Variants in CCSER1 observed in about 807,000 individuals in gnomAD.
CCSER1 encodes the protein serine-rich coiled-coil domain-containing protein 1.
Under a neutral mutation model 82.0 loss-of-function variants are expected in CCSER1, and 41 were observed. That is an observed-to-expected ratio of 0.50 (90% CI 0.39 to 0.65). CCSER1 has a LOEUF of 0.65. Ranked by LOEUF, CCSER1 falls within the 30% of genes least tolerant of loss-of-function variation. CCSER1 has a pLI of 0.00. For missense variants in CCSER1, 1,119 were observed against 1,064.2 expected (o/e 1.05, Z -0.72); for synonymous variants, 414 against 383.9 (o/e 1.08, Z -0.92).
chr4:91,161,430 T>C (rs928807854), intron 10 of CCSER1, among the ~76,000 whole-genome samples: 9 of 152,186 alleles, frequency 5.9e-5, no homozygotes, highest in Non-Finnish European at 1.2e-4. Flanking sequence ...TTTTTTCCAA[T>C]TCTGTGAGGA....
intron 1 of CCSER1, among the ~76,000 whole-genome samples, chr4:90,304,558 CA>C (rs1187721218): frequency 6.6e-6 from 1 of 151,960 alleles, no homozygotes; most frequent in Non-Finnish European, 1.5e-5. Flanking sequence ...ACAAAAAACC[CA>C]ACACTGCATA....
At chr4:91,082,651 A>G (rs1318761084) in intron 9 of CCSER1, among the ~76,000 whole-genome samples, 1 of 152,190 alleles carries the variant, frequency 6.6e-6, no homozygotes, top group African/African-American at 2.4e-5. Context: ...AAATTTTTAC[A>G]ATCTACCCAT....
intron 5 of CCSER1, among the ~76,000 whole-genome samples, chr4:90,557,991 A>G (rs1778327539): frequency 1.3e-5 from 2 of 152,188 alleles, no homozygotes; most frequent in African/African-American, 4.8e-5. Context: ...TCCATATTAC[A>G]ATGGTAATAT....
chr4:90,532,003 G>T (rs1774595664), intron 5 of CCSER1, among the ~76,000 whole-genome samples: 1 of 150,948 alleles, frequency 6.6e-6, no homozygotes, highest in Non-Finnish European at 1.5e-5. Context: ...GATTTTAAGA[G>T]TATATATATA....
rs1456570149 is a variant in CCSER1, at chr4:90,690,827, A to G, written c.1933-33087A>G. Among the ~76,000 whole-genome samples the G allele has an allele frequency of 2.0e-5, 3 of 152,048 alleles. No homozygotes were observed. In the East Asian group the frequency reaches 5.8e-4, roughly 29 times the overall value. ...GATTGAATTCCTGACTACCTGATAA[A>G]ATTACATCACATAGACCATGAACCC... On this transcript the variant is annotated intron_variant, in intron 6 of 10. Transcript: ENST00000509176.
chr4:91,116,748 C>G lies in CCSER1; in HGVS notation c.2217+30754C>G, dbSNP rs554046794. On this transcript the variant is annotated intron_variant, in intron 10 of 10. Coordinates refer to ENST00000509176, the MANE Select transcript of CCSER1 (RefSeq NM_001145065.2). ...TATCTAACAGGCTGCCTTGTTTGGT[C>G]TCCAAGTGATAAACAAAAAACAGGG... 7.2e-5 allele frequency among the ~76,000 whole-genome samples: 11 copies of G among 152,174 alleles called. No individual in the cohort carries two copies. The South Asian group carries it at 2.3e-3, about 32-fold the overall frequency.
chr4:90,843,920 A>G (rs1762874358), intron 8 of CCSER1, among the ~76,000 whole-genome samples: 1 of 152,114 alleles, frequency 6.6e-6, no homozygotes, highest in Non-Finnish European at 1.5e-5. Context: ...CTAGAAGCTT[A>G]AAGGTAACAA....
At chr4:91,383,955 T>A (rs1035404397) in intron 10 of CCSER1, among the ~76,000 whole-genome samples, 2 of 152,132 alleles carry the variant, frequency 1.3e-5, no homozygotes, top group Admixed American at 1.3e-4. Context: ...ATCCCAACAC[T>A]GCTGTTGGAA....
intron 10 of CCSER1, among the ~76,000 whole-genome samples, chr4:91,418,672 A>G (rs1178135829): frequency 6.6e-6 from 1 of 152,006 alleles, no homozygotes; most frequent in African/African-American, 2.4e-5. Flanking sequence ...AACCTTCTCA[A>G]ACTTTCCAAA....
chr4:90,298,910 TG>T (rs1732536649), intron 1 of CCSER1, among the ~76,000 whole-genome samples: 1 of 152,116 alleles, frequency 6.6e-6, no homozygotes, highest in South Asian at 2.1e-4. Flanking sequence ...TACTTAAGCC[TG>T]GGTCATATGC....
At chr4:90,132,812 A>G (rs1193742385) in intron 1 of CCSER1, among the ~76,000 whole-genome samples, 1 of 152,220 alleles carries the variant, frequency 6.6e-6, no homozygotes, top group Non-Finnish European at 1.5e-5. Context: ...ACTCTTTTCA[A>G]ATATTAATTA....
At chr4:91,382,999 A>AT (rs144468064) in intron 10 of CCSER1, among the ~76,000 whole-genome samples, 10,865 of 147,454 alleles carry the variant, frequency 0.074, 490 homozygotes, top group Middle Eastern at 0.13. Context: ...GATCATTATC[A>AT]TTTTTTTTTT....
At chr4:91,409,854 T>C (rs996521150) in intron 10 of CCSER1, among the ~76,000 whole-genome samples, 1 of 152,176 alleles carries the variant, frequency 6.6e-6, no homozygotes, top group African/African-American at 2.4e-5. Flanking sequence ...GGCTAATTTT[T>C]GTATTTTTAG....
chr4:90,212,783 A>T (rs56822678), intron 1 of CCSER1, among the ~76,000 whole-genome samples: 7,168 of 152,262 alleles, frequency 0.047, 409 homozygotes, highest in East Asian at 0.25. Flanking sequence ...GATGTTCACA[A>T]AAGGTCTTTC....
chr4:91,155,709 T>G (rs972005619), intron 10 of CCSER1, among the ~76,000 whole-genome samples: 1 of 151,992 alleles, frequency 6.6e-6, no homozygotes, highest in African/African-American at 2.4e-5. Flanking sequence ...CTCCCTTTAT[T>G]CTATTAATCT....
chr4:91,471,058 T>G (rs1347174043), intron 10 of CCSER1, among the ~76,000 whole-genome samples: 1 of 152,200 alleles, frequency 6.6e-6, no homozygotes, highest in African/African-American at 2.4e-5. Flanking sequence ...AGCCTACTTA[T>G]ATAACTAGTG....
chr4:91,048,815 A>G (rs905401802), intron 9 of CCSER1, among the ~76,000 whole-genome samples: 1 of 152,004 alleles, frequency 6.6e-6, no homozygotes, highest in African/African-American at 2.4e-5. Flanking sequence ...TCCATTCCAA[A>G]CTCTCTGAAT....
chr4:91,144,617 A>G (rs1192713868), intron 10 of CCSER1, among the ~76,000 whole-genome samples: 1 of 143,622 alleles, frequency 7.0e-6, no homozygotes, highest in Non-Finnish European at 1.5e-5. Context: ...TGTCCTCTTA[A>G]AGCTTTTTTT....
At chr4:91,131,005 A>T (rs1349844451) in intron 10 of CCSER1, among the ~76,000 whole-genome samples, 1 of 151,890 alleles carries the variant, frequency 6.6e-6, no homozygotes, top group Non-Finnish European at 1.5e-5. Context: ...CATATAATTC[A>T]TGTGGATCTG....
Sources: gnomAD v4.1 joint callset for allele counts (sites outside exome capture counted in the v4.1 genomes callset) on GRCh38, gnomAD v4.1.1 for gene constraint, MANE v1.5 for transcripts, NCBI Gene and HGNC (gene_info 2026-07-23, HGNC 2026-07-21) for gene names.